The following CRB1 variants were observed in gnomAD, a reference collection of about 807,000 sequenced individuals.
CRB1 encodes the protein crumbs cell polarity complex component 1.
CRB1 carries 83 observed loss-of-function variants against 120.0 expected under a neutral mutation model. The ratio of observed to expected loss-of-function variants is 0.69; its 90% CI spans 0.58 to 0.83. The LOEUF (loss-of-function observed/expected upper bound fraction) is 0.83. CRB1 is among the 40% of genes least tolerant of loss of function. CRB1 has a pLI of 0.00. For synonymous variants in CRB1, 625 were observed against 612.5 expected (o/e 1.02, Z -0.30); for missense variants, 1,699 against 1,687.6 (o/e 1.01, Z -0.12).
chr1:197,379,632 ATT>A (rs1377249776), intron 5 of CRB1, among the ~76,000 whole-genome samples: 2 of 138,790 alleles, frequency 1.4e-5, no homozygotes, highest in Non-Finnish European at 3.1e-5. Context: ...AAAAAAAACC[ATT>A]TTTCTAGCTC....
intron 6 of CRB1, among the ~76,000 whole-genome samples, chr1:197,426,723 A>G (rs1207845957): frequency 6.6e-6 from 1 of 152,114 alleles, no homozygotes; most frequent in Non-Finnish European, 1.5e-5. Context: ...ACTCCCAACC[A>G]GGACCACAGA....
chr1:197,405,159 T>C (rs1286937618), intron 5 of CRB1, among the ~76,000 whole-genome samples: 1 of 152,038 alleles, frequency 6.6e-6, no homozygotes, highest in Non-Finnish European at 1.5e-5. Flanking sequence ...CCATCTCGGC[T>C]CACTGCAACC....
At chr1:197,356,190 A>G (rs1181666594) in intron 4 of CRB1, among the ~76,000 whole-genome samples, 2 of 152,226 alleles carry the variant, frequency 1.3e-5, no homozygotes, top group East Asian at 3.8e-4. Context: ...ACAGTCACAT[A>G]CACTAAAACT....
rs745996384 is a variant in CRB1 at position 197,477,763 on chromosome 1, A to G, written c.4105A>G (p.Thr1369Ala). 9.9e-6 allele frequency: 16 copies of G among 1,613,490 alleles called. No individual in the cohort carries two copies. The highest frequency in any genetic ancestry group is 1.2e-5 in the Non-Finnish European group (14 of 1,179,838). ...GCTGGCCATTGTTGCTTCTGTTGTCACCTCCAACAAAAGGGCAACTCAGGG... is the reference window on the plus strand; with the variant it reads ...GCTGGCCATTGTTGCTTCTGTTGTCGCCTCCAACAAAAGGGCAACTCAGGG... ...LLLAIVASVVTSNKRATQGTY... is the reference protein window; with the variant it reads ...LLLAIVASVVASNKRATQGTY... Residue 1369 changes from threonine to alanine, a missense_variant, in exon 12 of 12, where the codon ACC becomes GCC. Transcript: ENST00000367400.
At chr1:197,395,667 TGGTTCATTGAATGCAA>T (rs1662735195) in intron 5 of CRB1, among the ~76,000 whole-genome samples, 1 of 152,172 alleles carries the variant, frequency 6.6e-6, no homozygotes, top group Non-Finnish European at 1.5e-5. Flanking sequence ...CGGACCTCCC[TGGTTCATTGAATGCAA>T]GGTTCATTCA....
chr1:197,415,549 C>T (rs1663935383), intron 5 of CRB1, among the ~76,000 whole-genome samples: 1 of 152,100 alleles, frequency 6.6e-6, no homozygotes, highest in Non-Finnish European at 1.5e-5. Flanking sequence ...GTTAAGCTTT[C>T]CCATCGATGA....
At chr1:197,313,980 C>A (rs1657698755) in intron 1 of CRB1, among the ~76,000 whole-genome samples, 1 of 152,184 alleles carries the variant, frequency 6.6e-6, no homozygotes, top group Non-Finnish European at 1.5e-5. Context: ...TTAACTAGCA[C>A]AGTTAAAACC....
At chr1:197,232,749 T>G in the CRB1 span, among the ~76,000 whole-genome samples, 1 of 152,158 alleles carries the variant, frequency 6.6e-6, no homozygotes, top group African/African-American at 2.4e-5. Flanking sequence ...CATCTAATAC[T>G]ATCACAGTAG....
At chr1:197,347,025 G>A (rs1659814587) in intron 3 of CRB1, among the ~76,000 whole-genome samples, 2 of 152,110 alleles carry the variant, frequency 1.3e-5, no homozygotes, top group Admixed American at 1.3e-4. Flanking sequence ...GGAATACTGT[G>A]TCTATTCTTT....
At chr1:197,331,818 T>A (rs540055478) in intron 2 of CRB1, among the ~76,000 whole-genome samples, 18 of 152,354 alleles carry the variant, frequency 1.2e-4, no homozygotes, top group Admixed American at 3.3e-4. Flanking sequence ...GTATGTTTTT[T>A]AAATATCTTA....
chr1:197,423,330 A>C (rs6428400), intron 6 of CRB1, among the ~76,000 whole-genome samples: 1 of 152,012 alleles, frequency 6.6e-6, no homozygotes, highest in Non-Finnish European at 1.5e-5. Context: ...TTTTCAAACC[A>C]AGTTCCTGAA....
intron 1 of CRB1, among the ~76,000 whole-genome samples, chr1:197,293,285 C>A (rs1383676667): frequency 6.6e-6 from 1 of 152,018 alleles, no homozygotes; most frequent in East Asian, 1.9e-4. Context: ...AACAGAGAGC[C>A]AAATCATGAG....
At chr1:197,300,211 A>G (rs1558038581) in intron 1 of CRB1, among the ~76,000 whole-genome samples, 2 of 151,964 alleles carry the variant, frequency 1.3e-5, no homozygotes, top group Admixed American at 1.3e-4. Flanking sequence ...TCACCCAACT[A>G]TCACTTTAAA....
chr1:197,362,772 G>T (rs535710400), intron 5 of CRB1, among the ~76,000 whole-genome samples: 25 of 152,142 alleles, frequency 1.6e-4, no homozygotes, highest in African/African-American at 4.8e-4. Context: ...AATTTGAAAT[G>T]ATTTTCTTGT....
chr1:197,438,787 A>G (rs1035995555), intron 10 of CRB1, 112 bp downstream of exon 10: 96 of 1,366,022 alleles, frequency 7.0e-5, no homozygotes, highest in Non-Finnish European at 9.0e-5. Flanking sequence ...AGGAAAATCT[A>G]TGCTGAAATA....
chr1:197,213,656 G>A, the CRB1 span, among the ~76,000 whole-genome samples: 896 of 152,226 alleles, frequency 5.9e-3, 10 homozygotes, highest in African/African-American at 0.021. Flanking sequence ...TTTAAAATTT[G>A]AAAAGATTGA....
At chr1:197,391,271 T>A (rs1162693127) in intron 5 of CRB1, among the ~76,000 whole-genome samples, 2 of 152,106 alleles carry the variant, frequency 1.3e-5, no homozygotes, top group African/African-American at 4.8e-5. Context: ...CCTTATAAAA[T>A]CATTTGCCTT....
the CRB1 span, among the ~76,000 whole-genome samples, chr1:197,261,337 A>G: frequency 1.3e-5 from 2 of 152,240 alleles, no homozygotes; most frequent in African/African-American, 2.4e-5. Flanking sequence ...TTGTTTGCAT[A>G]AAGTAAATTG....
intron 5 of CRB1, chr1:197,358,259 T>C (rs1660589458): frequency 6.6e-6 from 1 of 152,264 alleles, no homozygotes; most frequent in Non-Finnish European, 1.5e-5. Flanking sequence ...TGGTCTAGTG[T>C]ATGCATTTTC....
Sources: gnomAD v4.1 joint callset for allele counts (sites outside exome capture counted in the v4.1 genomes callset) on GRCh38, gnomAD v4.1.1 for gene constraint, MANE v1.5 for transcripts, NCBI Gene and HGNC (gene_info 2026-07-23, HGNC 2026-07-21) for gene names.